The following MXRA7 variants were observed in gnomAD, a reference collection of about 807,000 sequenced individuals.
MXRA7 encodes matrix-remodeling-associated protein 7.
Under a neutral mutation model 17.4 loss-of-function variants are expected in MXRA7, and 18 were observed. The ratio of observed to expected loss-of-function variants is 1.03; its 90% CI spans 0.71 to 1.53. The LOEUF (loss-of-function observed/expected upper bound fraction) is 1.53, where lower values mean the gene tolerates loss of function less well. MXRA7 is among the 40% of genes most tolerant of loss of function. MXRA7 has a pLI of 0.00. For missense variants in MXRA7, 141 were observed against 209.3 expected (o/e 0.67, Z 2.01); for synonymous variants, 70 against 101.7 (o/e 0.69, Z 1.87).
chr17:76,690,078 C>T (rs527292508), intron 1 of MXRA7: 3 of 150,406 alleles, frequency 2.0e-5, no homozygotes, highest in South Asian at 4.2e-4. Context: ...CAAGATAAAT[C>T]GAGGGAAAAA....
chr17:76,690,306 T>C (rs1313831364), intron 1 of MXRA7: 2 of 152,188 alleles, frequency 1.3e-5, no homozygotes, highest in African/African-American at 2.4e-5. Context: ...TCCATTAATA[T>C]GCATGAATGA....
intron 1 of MXRA7, among the ~76,000 whole-genome samples, chr17:76,710,254 T>C (rs1246042433): frequency 1.3e-5 from 2 of 151,142 alleles, no homozygotes; most frequent in African/African-American, 4.9e-5. Flanking sequence ...GCGGGAGGGG[T>C]CAGAAGTGGG....
chr17:76,704,137 C>T (rs1311995319), intron 1 of MXRA7, among the ~76,000 whole-genome samples: 2 of 151,420 alleles, frequency 1.3e-5, no homozygotes, highest in Admixed American at 6.6e-5. Flanking sequence ...TTGCTTCTAC[C>T]ACCCCGCAGC....
chr17:76,688,515 GCAGA>G (rs2076435902), intron 1 of MXRA7: 1 of 1,311,780 alleles, frequency 7.6e-7, no homozygotes, highest in Non-Finnish European at 9.7e-7. Context: ...GCTGCGGCCA[GCAGA>G]CAAAGGGTGC....
In MXRA7 at chr17:76,680,946, G is replaced by A. The variant is rs922273456; in HGVS notation, c.501-67C>T. On this transcript the variant is annotated intron_variant, in intron 3 of 3. Coordinates refer to ENST00000449428, the MANE Select transcript of MXRA7 (RefSeq NM_198530.4). ...CATTCCATCCTGCACCATGGGCAAG[G>A]AAAGGGGGAAATGGGGACGAGGAAG... 3 of 1,302,812 alleles carry A rather than the reference G, an allele frequency of 2.3e-6. No individual in the cohort carries two copies. In the African/African-American group the frequency reaches 4.4e-5, roughly 19 times the overall value. 80.7% of individuals were successfully genotyped at this position (1,302,812 alleles called of 1,614,324 possible). A position where few individuals can be genotyped will look rare whatever the true frequency, so the allele number is the denominator to read the frequency against.
chr17:76,677,757 G>A (rs2076253096), downstream of MXRA7: 1 of 1,309,660 alleles, frequency 7.6e-7, no homozygotes, highest in African/African-American at 1.4e-5. Context: ...ACTGGGGAGA[G>A]AGGGAGCCTG....
chr17:76,677,668 G>T, downstream of MXRA7: 1 of 1,613,972 alleles, frequency 6.2e-7, no homozygotes, highest in Non-Finnish European at 8.5e-7. Context: ...TCTTTCATGA[G>T]CTTGAAGATG....
intron 1 of MXRA7, among the ~76,000 whole-genome samples, chr17:76,706,139 C>CGCTGCCGT (rs2076652962): frequency 1.3e-5 from 2 of 151,668 alleles, no homozygotes; most frequent in Non-Finnish European, 2.9e-5. Context: ...TCACAAAGGA[C>CGCTGCCGT]CACACTGCCG....
In MXRA7 at chr17:76,681,472, G is replaced by C. The variant is rs1487266789; in HGVS notation, c.501-593C>G. On this transcript the variant is annotated intron_variant, in intron 3 of 3. Transcript: ENST00000449428. The surrounding 1 kb of genome is among the most constrained non-coding windows in gnomAD (Gnocchi z 4.7). ...CAGCCTGAGCTGGAAATTCACACTG[G>C]CAGGTCTATTGTCTGTAGTTTCTTG... is the stretch of plus-strand genomic sequence containing the variant. 6.6e-6 allele frequency among the ~76,000 whole-genome samples: 1 copy of C among 152,070 alleles called. No individual in the cohort carries two copies. Among genetic ancestry groups the C allele is most frequent in the African/African-American group, 2.4e-5 (1 of 41,378 alleles).
rs1037534821 is a variant in MXRA7, at chr17:76,688,243, G to A, written c.343-67C>T. Reference sequence around the variant, plus strand: ...GGTGATGGGAAGTGGTGGGGGGGCAGAAGGTAGGGGAGACAGAGGAGGCCC... The same window carrying A: ...GGTGATGGGAAGTGGTGGGGGGGCAAAAGGTAGGGGAGACAGAGGAGGCCC... On this transcript the variant is annotated intron_variant, in intron 1 of 3. Coordinates refer to ENST00000449428, the MANE Select transcript of MXRA7 (RefSeq NM_198530.4). 6 of 1,602,648 alleles carry A rather than the reference G, an allele frequency of 3.7e-6. No homozygotes were observed. The African/African-American group carries it at 8.0e-5, about 21-fold the overall frequency.
intron 1 of MXRA7, chr17:76,688,853 C>T (rs1270313584): frequency 5.0e-6 from 2 of 402,618 alleles, no homozygotes; most frequent in Non-Finnish European, 8.5e-6. Flanking sequence ...CATGGGAGCC[C>T]CAGGAACTTC....
At chr17:76,700,156 C>T (rs2076574807) in intron 1 of MXRA7, among the ~76,000 whole-genome samples, 1 of 152,090 alleles carries the variant, frequency 6.6e-6, no homozygotes, top group Non-Finnish European at 1.5e-5. Context: ...ATTTTTAGTA[C>T]AGACTGGGTT....
intron 1 of MXRA7, among the ~76,000 whole-genome samples, chr17:76,709,285 A>G (rs919882026): frequency 1.3e-5 from 2 of 152,080 alleles, no homozygotes; most frequent in South Asian, 2.1e-4. Context: ...AATCCCAAAT[A>G]TGGGAGCAAA....
chr17:76,697,017 G>C (rs1411886598), intron 1 of MXRA7, among the ~76,000 whole-genome samples: 1 of 152,202 alleles, frequency 6.6e-6, no homozygotes, highest in Non-Finnish European at 1.5e-5. Context: ...CTTGGTCCCA[G>C]GAGTGTTCAG....
At chr17:76,702,873 G>GTATA (rs776480689) in intron 1 of MXRA7, among the ~76,000 whole-genome samples, 1 of 141,898 alleles carries the variant, frequency 7.0e-6, no homozygotes, top group Non-Finnish European at 1.5e-5. Context: ...ATATATATAC[G>GTATA]TATATATATA....
intron 3 of MXRA7, chr17:76,683,986 G>A: frequency 7.5e-7 from 1 of 1,329,874 alleles, no homozygotes; most frequent in South Asian, 1.2e-5. Context: ...CAGCACCTGA[G>A]GACTCGGGGC....
chr17:76,703,951 T>C (rs181928539), intron 1 of MXRA7, among the ~76,000 whole-genome samples: 8 of 151,352 alleles, frequency 5.3e-5, no homozygotes, highest in Admixed American at 4.6e-4. Flanking sequence ...AACAGCATCA[T>C]AGCCGGGCGT....
At chr17:76,696,832 G>A (rs572476514) in intron 1 of MXRA7, among the ~76,000 whole-genome samples, 19 of 152,198 alleles carry the variant, frequency 1.2e-4, no homozygotes, top group Non-Finnish European at 2.2e-4. Flanking sequence ...CCACCATCAG[G>A]CAGCTGTGCC....
At chr17:76,685,578 T>G (rs1415567228) in intron 2 of MXRA7, among the ~76,000 whole-genome samples, 3 of 152,174 alleles carry the variant, frequency 2.0e-5, no homozygotes, top group African/African-American at 4.8e-5. Flanking sequence ...CCACCCCCTG[T>G]GGCTATTGGA....
Sources: gnomAD v4.1 joint callset for allele counts (sites outside exome capture counted in the v4.1 genomes callset) on GRCh38, gnomAD v4.1.1 for gene constraint, Gnocchi (gnomAD v3.1) non-coding constraint, MANE v1.5 for transcripts, NCBI Gene and HGNC (gene_info 2026-07-23, HGNC 2026-07-21) for gene names.